Variants in TXNDC5 observed in about 807,000 individuals in gnomAD.
TXNDC5 encodes thioredoxin domain-containing protein 5.
TXNDC5 carries 44 observed loss-of-function variants against 52.6 expected under a neutral mutation model. That is an observed-to-expected ratio of 0.84 (90% CI 0.66 to 1.08). The LOEUF (loss-of-function observed/expected upper bound fraction) is 1.08. TXNDC5 is among the 50% of genes least tolerant of loss of function. TXNDC5 has a pLI of 0.00. For missense variants in TXNDC5, 600 were observed against 565.5 expected, an observed-to-expected ratio of 1.06 and a Z score of -0.62; for synonymous variants, 241 against 234.4, an observed-to-expected ratio of 1.03 and a Z score of -0.26.
intron 6 of TXNDC5, chr6:7,889,158 AG>A (rs1760107858): frequency 2.3e-6 from 1 of 444,396 alleles, no homozygotes; most frequent in Non-Finnish European, 4.0e-6. Context: ...CCAGGGAAGG[AG>A]GGAGGGAGGC....
chr6:7,910,398 A>C, intron 1 of TXNDC5, 116 bp downstream of exon 1: 1 of 1,118,684 alleles, frequency 8.9e-7, no homozygotes. Flanking sequence ...CGCACGCCGC[A>C]GACCAGAGCC....
chr6:7,910,640 G>A lies in TXNDC5; in HGVS notation c.137C>T (p.Ala46Val). ...ARAQEAAAAA[A>V]DGPPAADGED... is the part of the protein sequence containing the mutation. ...GCCGTCTGCCGCGGGGGGCCCGTCC[G>A]CCGCCGCCGCCGCCGCCTCCTGGGC... is the stretch of plus-strand genomic sequence containing the variant. Residue 46 changes from alanine (A) to valine (V), a missense_variant, in exon 1 of 10, where the codon GCG becomes GTG. Coordinates refer to ENST00000379757, the MANE Select transcript of TXNDC5 (RefSeq NM_030810.5). The A allele has an allele frequency of 2.7e-6, 3 of 1,117,456 alleles. No individual in the cohort carries two copies. The highest frequency in any genetic ancestry group is 4.7e-5 in the East Asian group (1 of 21,316). The allele number at this position is 1,117,456 out of a possible 1,614,324, so 69.2% of individuals were successfully genotyped here.
rs188396160 is a variant in TXNDC5, at chr6:7,891,317, T to G, written c.732+304A>C. 4.0e-3 allele frequency among the ~76,000 whole-genome samples: 605 copies of G among 152,190 alleles called. 4 individuals carry two copies. The highest frequency in any genetic ancestry group is 0.014 in the African/African-American group (587 of 41,536). ...GGTCTCCAAGTTCGTCCAGTGAACA[T>G]TCTACAAGGCTCTACCCCATCTCTT... On this transcript the variant is annotated intron_variant, in intron 5 of 9. Transcript: ENST00000379757.
At chr6:7,888,877 T>C (rs564091206) in intron 6 of TXNDC5, 29 bp from the exon 7 acceptor site, 1 of 1,578,950 alleles carries the variant, frequency 6.3e-7, no homozygotes, top group South Asian at 1.2e-5. Flanking sequence ...CGCGGCTGAG[T>C]GAGTCCACTG....
chr6:7,883,563 C>T (rs1289128549), intron 9 of TXNDC5, among the ~76,000 whole-genome samples: 3 of 152,186 alleles, frequency 2.0e-5, no homozygotes, highest in Admixed American at 2.0e-4. Context: ...ACCTGCGGAT[C>T]TGCTGAAGGT....
rs534769701 is a variant in TXNDC5 at position 7,893,284 on chromosome 6, T to C, written c.617-1548A>G. 8.9e-4 allele frequency among the ~76,000 whole-genome samples: 135 copies of C among 152,368 alleles called. 1 individual carries two copies. The highest frequency in any genetic ancestry group is 3.1e-3 in the African/African-American group (127 of 41,592). On this transcript the variant is annotated intron_variant, in intron 4 of 9. Transcript: ENST00000379757. ...ACTAAGGCTCACAGCTACTGTCTCA[T>C]CAGCACAGCAACAATGCACTTGAAG...
chr6:7,891,572 A>C, intron 5 of TXNDC5, 49 bp downstream of exon 5: 1 of 1,501,606 alleles, frequency 6.7e-7, no homozygotes, highest in South Asian at 1.2e-5. Context: ...CTGCTAATTA[A>C]TCCAGCCCAA....
At chr6:7,883,595 C>T (rs1460493161) in intron 9 of TXNDC5, among the ~76,000 whole-genome samples, 1 of 152,154 alleles carries the variant, frequency 6.6e-6, no homozygotes, top group Non-Finnish European at 1.5e-5. Context: ...TTGAGCAGGC[C>T]TGGGAGTCTG....
intron 1 of TXNDC5, among the ~76,000 whole-genome samples, chr6:7,906,111 C>G (rs1760719754): frequency 6.8e-6 from 1 of 148,098 alleles, no homozygotes; most frequent in Non-Finnish European, 1.5e-5. Context: ...TGTGGTGGCA[C>G]ACACCTGCAG....
At chr6:7,906,260 G>C (rs950352163) in intron 1 of TXNDC5, among the ~76,000 whole-genome samples, 1 of 151,814 alleles carries the variant, frequency 6.6e-6, no homozygotes, top group African/African-American at 2.4e-5. Flanking sequence ...GATTTAAGCC[G>C]GGTGTGGTGG....
chr6:7,900,571 C>T (rs1434832568), intron 2 of TXNDC5, among the ~76,000 whole-genome samples: 8 of 152,300 alleles, frequency 5.3e-5, no homozygotes, highest in Non-Finnish European at 7.4e-5. Context: ...AATTGTAAGA[C>T]GGCAACATAT....
At chr6:7,892,258 AT>A (rs550819945) in intron 4 of TXNDC5, among the ~76,000 whole-genome samples, 86 of 152,306 alleles carry the variant, frequency 5.6e-4, no homozygotes, top group African/African-American at 2.0e-3. Flanking sequence ...ACTGAAACTG[AT>A]TTTGTCCCCA....
Position 7,883,115 on chromosome 6 carries a change from G to T in TXNDC5, c.*29C>A. The T allele has an allele frequency of 6.2e-7, 1 of 1,613,862 alleles. No individual in the cohort carries two copies. Among genetic ancestry groups the T allele is most frequent in the Non-Finnish European group, 8.5e-7 (1 of 1,179,950 alleles). On this transcript the variant is annotated 3_prime_UTR_variant, in exon 10 of 10. Coordinates refer to ENST00000379757, the MANE Select transcript of TXNDC5 (RefSeq NM_030810.5). ...TCCTAAACGCAGGGTGCGGGAGCTG[G>T]GCAGGAGAGGTGACCTCCAACTGTG...
At chr6:7,899,532 A>AAGAGGGAGGGAGG (rs1760488882) in intron 3 of TXNDC5, 44 bp downstream of exon 3, 1 of 1,106,714 alleles carries the variant, frequency 9.0e-7, no homozygotes, top group African/African-American at 1.9e-5. Context: ...AGGCAGGGAG[A>AAGAGGGAGGGAGG]GAGGGAGGGA....
At chr6:7,903,258 T>C (rs1236652874) in intron 2 of TXNDC5, among the ~76,000 whole-genome samples, 2 of 149,220 alleles carry the variant, frequency 1.3e-5, no homozygotes, top group African/African-American at 5.0e-5. Flanking sequence ...AAGCATAGAA[T>C]AGTTAATGCT....
chr6:7,886,894 C>A (rs1369733390), intron 7 of TXNDC5, among the ~76,000 whole-genome samples: 1 of 152,140 alleles, frequency 6.6e-6, no homozygotes, highest in African/African-American at 2.4e-5. Flanking sequence ...ATCTTTATGT[C>A]CAGAAACATG....
Position 7,886,014 on chromosome 6 carries a change from G to GTTATT in TXNDC5, c.988_992dup (p.Asn331LysfsTer12). ...TTCCTTCTGCAATGGTGTCATCGAA[G>GTTATT]TTATTTTCAGTGAGTGCCAACACAG... On this transcript the variant is annotated frameshift_variant, in exon 8 of 10. Transcript: ENST00000379757. LOFTEE classifies it high-confidence loss of function. The GTTATT allele has an allele frequency of 6.2e-7, 1 of 1,614,140 alleles. No homozygotes were observed. Among genetic ancestry groups the GTTATT allele is most frequent in the South Asian group, 1.1e-5 (1 of 91,066 alleles).
chr6:7,908,281 C>CAAA (rs57783770), intron 1 of TXNDC5, among the ~76,000 whole-genome samples: 12 of 62,754 alleles, frequency 1.9e-4, no homozygotes, highest in East Asian at 4.5e-4. Flanking sequence ...GACTCCATCT[C>CAAA]AAAAAAAAAA....
At position 7,886,005 on chromosome 6, in the gene TXNDC5, G is replaced by T. The variant is rs778879901; in HGVS notation, c.1002C>A (p.Asp334Glu). 11 of 1,614,062 alleles carry T rather than the reference G, an allele frequency of 6.8e-6. No individual in the cohort carries two copies. Among genetic ancestry groups the T allele is most frequent in the Non-Finnish European group, 8.5e-6 (10 of 1,180,038 alleles). Residue 334 changes from aspartate (D) to glutamate (E), a missense_variant, in exon 8 of 10, where the codon GAC becomes GAA. Transcript: ENST00000379757. The part of the protein sequence containing the change: ...VLALTENNFD[D>E]TIAEGITFIK... ...TGAAGGTTATTCCTTCTGCAATGGT[G>T]TCATCGAAGTTATTTTCAGTGAGTG...
Sources: gnomAD v4.1 joint callset for allele counts (sites outside exome capture counted in the v4.1 genomes callset) on GRCh38, gnomAD v4.1.1 for gene constraint, MANE v1.5 for transcripts, NCBI Gene and HGNC (gene_info 2026-07-23, HGNC 2026-07-21) for gene names.